The following GOLM1 variants were observed in gnomAD, a reference collection of about 807,000 sequenced individuals.
The protein encoded by GOLM1 is golgi membrane protein 1.
A neutral mutation model predicts 50.5 loss-of-function variants in GOLM1; 31 were observed. The observed-to-expected ratio is 0.61, with a 90% CI of 0.46 to 0.83. GOLM1 has a LOEUF of 0.83. Ranked by LOEUF, GOLM1 falls within the 40% of genes least tolerant of loss-of-function variation. The pLI is 0.00. For synonymous variants in GOLM1, 178 were observed against 192.8 expected, an observed-to-expected ratio of 0.92 and a Z score of 0.64; for missense variants, 491 against 501.3, an observed-to-expected ratio of 0.98 and a Z score of 0.20.
intron 9 of GOLM1, among the ~76,000 whole-genome samples, chr9:86,030,298 T>C (rs1324660821): frequency 3.4e-5 from 5 of 148,918 alleles, no homozygotes; most frequent in African/African-American, 9.9e-5. Flanking sequence ...CATAAATGAG[T>C]GGAGTCAATG....
intron 3 of GOLM1, among the ~76,000 whole-genome samples, chr9:86,073,893 T>C (rs537696187): frequency 2.6e-5 from 4 of 152,240 alleles, no homozygotes; most frequent in Non-Finnish European, 5.9e-5. Context: ...TCTGCCATCA[T>C]AGAAAATTCT....
At chr9:86,038,780 CAAT>C (rs1420837816) in intron 6 of GOLM1, among the ~76,000 whole-genome samples, 6 of 152,012 alleles carry the variant, frequency 3.9e-5, no homozygotes, top group African/African-American at 7.3e-5. Context: ...ACACCATATG[CAAT>C]AATTAAATTA....
chr9:86,082,592 C>A (rs908113305), intron 1 of GOLM1, among the ~76,000 whole-genome samples: 16 of 151,950 alleles, frequency 1.1e-4, no homozygotes, highest in African/African-American at 3.4e-4. Flanking sequence ...AGGTGTGTGC[C>A]ACCACGCCCA....
At chr9:86,028,062 G>A (rs532820236) in intron 9 of GOLM1, among the ~76,000 whole-genome samples, 169 bp from the exon 10 acceptor site, 9 of 151,940 alleles carry the variant, frequency 5.9e-5, no homozygotes, top group African/African-American at 1.7e-4. Flanking sequence ...AGATGGCAAC[G>A]GTGATATGGG....
chr9:86,047,565 G>T (rs555794864), intron 4 of GOLM1, among the ~76,000 whole-genome samples: 10 of 152,236 alleles, frequency 6.6e-5, no homozygotes, highest in Admixed American at 2.6e-4. Context: ...CATGGGTGGG[G>T]GGTCCTGGAG....
chr9:86,061,204 C>G (rs997267884), intron 3 of GOLM1, among the ~76,000 whole-genome samples: 8 of 152,128 alleles, frequency 5.3e-5, no homozygotes, highest in Non-Finnish European at 1.0e-4. Context: ...ATAAGCTTGC[C>G]ACATTGATAA....
At chr9:86,054,476 G>A (rs1264349372) in intron 3 of GOLM1, among the ~76,000 whole-genome samples, 3 of 152,098 alleles carry the variant, frequency 2.0e-5, no homozygotes, top group Non-Finnish European at 4.4e-5. Flanking sequence ...CGGCCGCCTT[G>A]GCCTCCCAAA....
intron 8 of GOLM1, among the ~76,000 whole-genome samples, chr9:86,034,386 C>T (rs1303038176): frequency 6.6e-6 from 1 of 152,206 alleles, no homozygotes; most frequent in African/African-American, 2.4e-5. Context: ...AATGAGGTCA[C>T]CACACCTGCA....
intron 3 of GOLM1, among the ~76,000 whole-genome samples, chr9:86,058,737 C>T (rs1477656340): frequency 6.6e-6 from 1 of 151,414 alleles, no homozygotes; most frequent in Non-Finnish European, 1.5e-5. Flanking sequence ...TGGCTCACGC[C>T]TGTAATCCCA....
intron 1 of GOLM1, among the ~76,000 whole-genome samples, chr9:86,089,023 C>A (rs898030645): frequency 1.4e-4 from 22 of 152,256 alleles, no homozygotes; most frequent in African/African-American, 5.3e-4. Flanking sequence ...ACTTATGAAG[C>A]TTAGTTTGGC....
intron 5 of GOLM1, among the ~76,000 whole-genome samples, chr9:86,042,788 T>A (rs1053333284): frequency 6.6e-6 from 1 of 152,212 alleles, no homozygotes; most frequent in African/African-American, 2.4e-5. Context: ...AGAGCCTTTA[T>A]CTCACAGCCT....
chr9:86,060,172 C>G (rs563339515), intron 3 of GOLM1, among the ~76,000 whole-genome samples: 2 of 152,220 alleles, frequency 1.3e-5, no homozygotes, highest in African/African-American at 4.8e-5. Flanking sequence ...TCTTTGCACT[C>G]CAGCATATCT....
intron 3 of GOLM1, among the ~76,000 whole-genome samples, chr9:86,073,660 G>A (rs369801936): frequency 6.6e-6 from 1 of 152,118 alleles, no homozygotes; most frequent in African/African-American, 2.4e-5. Flanking sequence ...TCTGCCCTCC[G>A]CTCCACTGAG....
At position 86,035,382 on chromosome 9, in the gene GOLM1, T is replaced by G; in HGVS notation, c.1001A>C (p.Glu334Ala). The change falls in exon 8 of 10, where the codon GAA (glutamate) becomes GCA (alanine). Residue 334 changes from glutamate to alanine, a missense_variant. Coordinates refer to ENST00000388712, the MANE Select transcript of GOLM1 (RefSeq NM_016548.4). ...VIPDGQEEEQ[E>A]AAGEGRNQQK... is the part of the protein sequence containing the mutation. The stretch of plus-strand genomic sequence containing the variant: ...TTCACACCCACCTTCCCCGGCAGCT[T>G]CCTGCTCCTCCTCCTGTCCGTCGGG... 1 of 1,613,700 alleles carries G rather than the reference T, an allele frequency of 6.2e-7. No individual in the cohort carries two copies. Among genetic ancestry groups the G allele is most frequent in the East Asian group, 2.2e-5 (1 of 44,864 alleles).
chr9:86,070,093 G>A (rs111450214), intron 3 of GOLM1, among the ~76,000 whole-genome samples: 1 of 151,778 alleles, frequency 6.6e-6, no homozygotes, highest in South Asian at 2.1e-4. Flanking sequence ...CCATGTTGGC[G>A]AGGCTGGTCT....
intron 1 of GOLM1, among the ~76,000 whole-genome samples, chr9:86,096,014 T>C (rs934374920): frequency 1.3e-5 from 2 of 152,196 alleles, no homozygotes; most frequent in African/African-American, 4.8e-5. Context: ...CCCCTCTCTG[T>C]ATCTTATTCA....
chr9:86,088,076 T>C (rs1250885451), intron 1 of GOLM1, among the ~76,000 whole-genome samples: 2 of 152,126 alleles, frequency 1.3e-5, no homozygotes, highest in African/African-American at 4.8e-5. Context: ...TCCTGGGCTT[T>C]TTTTGGTTGG....
intron 3 of GOLM1, among the ~76,000 whole-genome samples, chr9:86,065,977 T>C (rs564182618): frequency 2.6e-5 from 4 of 151,804 alleles, no homozygotes; most frequent in African/African-American, 9.7e-5. Flanking sequence ...GAGGCGGAGG[T>C]TGCAGTGAGC....
intron 3 of GOLM1, among the ~76,000 whole-genome samples, chr9:86,071,087 A>T (rs531350289): frequency 6.6e-6 from 1 of 151,668 alleles, no homozygotes; most frequent in African/African-American, 2.4e-5. Context: ...GTACACACAC[A>T]CACACACACA....
Sources: gnomAD v4.1 joint callset for allele counts (sites outside exome capture counted in the v4.1 genomes callset) on GRCh38, gnomAD v4.1.1 for gene constraint, MANE v1.5 for transcripts, NCBI Gene and HGNC (gene_info 2026-07-23, HGNC 2026-07-21) for gene names.